The following TSPAN9 variants were observed in gnomAD, a reference collection of about 807,000 sequenced individuals.
TSPAN9 encodes tetraspanin-9.
TSPAN9 carries 16 observed loss-of-function variants against 31.0 expected under a neutral mutation model. The observed-to-expected ratio is 0.52, with a 90% CI of 0.35 to 0.78. TSPAN9 has a LOEUF of 0.78. TSPAN9 is among the 30% of genes least tolerant of loss of function. The pLI is 0.01. For synonymous variants in TSPAN9, 145 were observed against 121.6 expected (o/e 1.19, Z -1.27); for missense variants, 272 against 312.5 (o/e 0.87, Z 0.98).
chr12:3,232,349 A>ATTTTT (rs1461532399), intron 3 of TSPAN9, among the ~76,000 whole-genome samples: 81 of 151,744 alleles, frequency 5.3e-4, no homozygotes, highest in Admixed American at 2.0e-4. Context: ...AACCAGTTTA[A>ATTTTT]TTTTTTACCC....
Position 3,286,494 on chromosome 12 carries a change from C to T in TSPAN9, c.*3378C>T, listed in dbSNP as rs1176681728. 1.3e-5 allele frequency: 2 copies of T among 152,530 alleles called. No homozygotes were observed. Among genetic ancestry groups the T allele is most frequent in the Non-Finnish European group, 2.9e-5 (2 of 68,040 alleles). 9.4% of individuals were successfully genotyped at this position (152,530 alleles called of 1,614,324 possible). A position where few individuals can be genotyped will look rare whatever the true frequency, so the allele number is the denominator to read the frequency against. The stretch of plus-strand genomic sequence containing the variant: ...ATCTGTGCGTTCCTTCATCCTGGTC[C>T]TGGCTTTATGGAACACCATGTTTTT... On this transcript the variant is annotated 3_prime_UTR_variant, in exon 9 of 9. Transcript: ENST00000011898. The surrounding 1 kb of genome is among the most constrained non-coding windows in gnomAD (Gnocchi z 4.1).
chr12:3,244,547 G>A (rs1356980452), intron 3 of TSPAN9, among the ~76,000 whole-genome samples: 1 of 152,208 alleles, frequency 6.6e-6, no homozygotes, highest in Non-Finnish European at 1.5e-5. Context: ...AGAATGGCCT[G>A]GCGAGGTCTG....
chr12:3,152,649 G>A (rs573852227), intron 2 of TSPAN9, among the ~76,000 whole-genome samples: 13 of 152,094 alleles, frequency 8.5e-5, no homozygotes, highest in South Asian at 6.2e-4. Context: ...GCAGTGGCGC[G>A]ATCTTGGCTC....
At chr12:3,199,320 C>A (rs2098369775) in intron 2 of TSPAN9, among the ~76,000 whole-genome samples, 1 of 152,226 alleles carries the variant, frequency 6.6e-6, no homozygotes, top group African/African-American at 2.4e-5. Context: ...TCAGTACTCT[C>A]TTCCTGAGCG....
intron 3 of TSPAN9, among the ~76,000 whole-genome samples, chr12:3,226,589 A>T (rs1483983187): frequency 6.7e-6 from 1 of 149,844 alleles, no homozygotes; most frequent in African/African-American, 2.5e-5. Flanking sequence ...GCTTGAGCCC[A>T]GGAGTTTGAG....
Position 3,267,165 on chromosome 12 carries a change from C to T in TSPAN9, c.64-11256C>T, listed in dbSNP as rs111414526. ...GGGAGAATGGAGCCCCCAGCCCCTT[C>T]GCCATCCTGAAGAATGAGTTACAGT... On this transcript the variant is annotated intron_variant, in intron 3 of 8. Transcript: ENST00000011898. Among the ~76,000 whole-genome samples the T allele has an allele frequency of 1.1e-3, 170 of 152,332 alleles. 1 individual carries two copies. Among genetic ancestry groups the T allele is most frequent in the African/African-American group, 3.5e-3 (145 of 41,586 alleles).
intron 2 of TSPAN9, among the ~76,000 whole-genome samples, chr12:3,099,045 G>A (rs938659953): frequency 6.6e-6 from 1 of 152,096 alleles, no homozygotes; most frequent in Non-Finnish European, 1.5e-5. Flanking sequence ...GAGCCATGGT[G>A]CCTGGCCTAT....
rs1857069231 is a variant in TSPAN9 at position 3,143,067 on chromosome 12, T to TC, written c.-17-58109dup. Among the ~76,000 whole-genome samples the TC allele has an allele frequency of 6.6e-6, 1 of 152,002 alleles. No homozygotes were observed. The highest frequency in any genetic ancestry group is 2.1e-4 in the South Asian group (1 of 4,810). ...CATTTTCTCATGGTTAGACTGAGGT[T>TC]CTTTGTCTTTGGAGAGACCACTGTG... is the stretch of plus-strand genomic sequence containing the variant. On this transcript the variant is annotated intron_variant, in intron 2 of 8. Transcript: ENST00000011898. This position sits in a 1 kb window ranked among gnomAD's most constrained non-coding sequence, Gnocchi z 4.2.
intron 1 of TSPAN9, among the ~76,000 whole-genome samples, chr12:3,078,348 A>C (rs1431548955): frequency 6.6e-6 from 1 of 152,172 alleles, no homozygotes; most frequent in African/African-American, 2.4e-5. Context: ...GGGGTGACTC[A>C]GGTATTTCCT....
intron 2 of TSPAN9, among the ~76,000 whole-genome samples, chr12:3,090,782 T>C (rs1339951933): frequency 1.5e-5 from 1 of 68,952 alleles, no homozygotes; most frequent in African/African-American, 1.2e-4. Flanking sequence ...TGAGGAATAA[T>C]GAGGAATAGA....
chr12:3,145,702 G>T (rs570617025), intron 2 of TSPAN9, among the ~76,000 whole-genome samples: 54 of 152,340 alleles, frequency 3.5e-4, no homozygotes, highest in Middle Eastern at 3.4e-3. Context: ...TCATTTTTCT[G>T]TCCAGATGGC....
chr12:3,272,326 T>G (rs922626642), intron 3 of TSPAN9, among the ~76,000 whole-genome samples: 7 of 152,212 alleles, frequency 4.6e-5, no homozygotes, highest in African/African-American at 1.7e-4. Context: ...TGTCTGGGTC[T>G]GGTCCTGTTC....
chr12:3,207,987 C>A (rs2098376235), intron 3 of TSPAN9, among the ~76,000 whole-genome samples: 2 of 152,232 alleles, frequency 1.3e-5, no homozygotes. Flanking sequence ...CTGGTTTCCT[C>A]ACCTTGGACT....
rs1320196354 is a variant in TSPAN9 at position 3,247,314 on chromosome 12, C to T, written c.64-31107C>T. On this transcript the variant is annotated intron_variant, in intron 3 of 8. Transcript: ENST00000011898. ...TTACTGGCCAGCCCCCCCCCCCCCG[C>T]CACCCGCGTCCCCAAGTAGAGTGAG... 5.4e-3 allele frequency among the ~76,000 whole-genome samples: 126 copies of T among 23,310 alleles called. 18 individuals carry two copies. The highest frequency in any genetic ancestry group is 0.018 in the Non-Finnish European group (106 of 5,892). 15.3% of individuals were successfully genotyped at this position (23,310 alleles called of 152,430 possible).
At chr12:3,169,917 T>G (rs1462096151) in intron 2 of TSPAN9, among the ~76,000 whole-genome samples, 2 of 151,714 alleles carry the variant, frequency 1.3e-5, no homozygotes, top group African/African-American at 4.9e-5. Flanking sequence ...AGCCATCCAC[T>G]TGAACCCAAC....
chr12:3,209,251 A>T (rs2098377052), intron 3 of TSPAN9, among the ~76,000 whole-genome samples: 1 of 146,746 alleles, frequency 6.8e-6, no homozygotes, highest in Admixed American at 6.8e-5. Flanking sequence ...AAAAAAAAAT[A>T]AAAAACTAAA....
chr12:3,131,743 G>A (rs561335768), intron 2 of TSPAN9, among the ~76,000 whole-genome samples: 154 of 151,276 alleles, frequency 1.0e-3, no homozygotes, highest in African/African-American at 3.6e-3. Context: ...CAAAGTCCTC[G>A]CAATTTTTTA....
chr12:3,283,221 A>G lies in TSPAN9; in HGVS notation c.*105A>G. ...CTCTCCAGATATGACCCCTGCACCC[A>G]CCCCCCACAGCCTGCCCTACCCCAC... On this transcript the variant is annotated 3_prime_UTR_variant, in exon 9 of 9. Transcript: ENST00000011898. The G allele has an allele frequency of 4.3e-6, 5 of 1,172,410 alleles. 1 individual carries two copies. The South Asian group carries it at 6.2e-5, about 15-fold the overall frequency. 72.6% of individuals were successfully genotyped at this position (1,172,410 alleles called of 1,614,324 possible).
intron 3 of TSPAN9, among the ~76,000 whole-genome samples, chr12:3,224,470 A>G (rs1438071523): frequency 2.0e-5 from 3 of 152,248 alleles, no homozygotes; most frequent in African/African-American, 7.2e-5. Context: ...ACAGAAGGAA[A>G]GGAGCTTGGC....
Sources: allele counts gnomAD v4.1 joint callset (sites outside exome capture counted in the v4.1 genomes callset), GRCh38; gene constraint gnomAD v4.1.1; non-coding constraint Gnocchi (gnomAD v3.1); transcripts MANE v1.5; gene names NCBI Gene and HGNC (gene_info 2026-07-23, HGNC 2026-07-21).